The following TACC1 variants were observed in gnomAD, a reference collection of about 807,000 sequenced individuals.
TACC1 encodes the protein transforming acidic coiled-coil-containing protein 1.
Under a neutral mutation model 84.4 loss-of-function variants are expected in TACC1, and 48 were observed. The ratio of observed to expected loss-of-function variants is 0.57; its 90% CI spans 0.45 to 0.72. The LOEUF (loss-of-function observed/expected upper bound fraction) is 0.72, where lower values mean the gene tolerates loss of function less well. TACC1 is among the 30% of genes least tolerant of loss of function. TACC1 has a pLI of 0.00. For synonymous variants in TACC1, 372 were observed against 376.3 expected (o/e 0.99, Z 0.13); for missense variants, 920 against 973.0 (o/e 0.95, Z 0.72).
At chr8:38,743,349 A>C in intron 2 of TACC1, among the ~76,000 whole-genome samples, 1 of 152,244 alleles carries the variant, frequency 6.6e-6, no homozygotes, top group South Asian at 2.1e-4. Flanking sequence ...TTGAGGAGGA[A>C]GAGAAAGGAA....
At chr8:38,847,735 C>T (rs1588180203) in intron 12 of TACC1, among the ~76,000 whole-genome samples, 1 of 152,244 alleles carries the variant, frequency 6.6e-6, no homozygotes. Flanking sequence ...GGGCTGGTGA[C>T]TGTCCTCACC....
intron 3 of TACC1, chr8:38,757,246 G>T (rs1432469429): frequency 2.3e-5 from 4 of 174,288 alleles, no homozygotes; most frequent in South Asian, 1.7e-4. Context: ...CCTTCCTCCC[G>T]CCCCACCGCC....
At chr8:38,750,447 T>G (rs1355075859) in intron 3 of TACC1, among the ~76,000 whole-genome samples, 1 of 152,214 alleles carries the variant, frequency 6.6e-6, no homozygotes, top group African/African-American at 2.4e-5. Flanking sequence ...TTAACTTAAA[T>G]TGTATAGGAG....
At chr8:38,761,612 G>T (rs1811222326) in intron 3 of TACC1, among the ~76,000 whole-genome samples, 3 of 152,166 alleles carry the variant, frequency 2.0e-5, no homozygotes, top group Admixed American at 2.0e-4. Flanking sequence ...TTAGACACAA[G>T]AAAACATGAA....
intron 3 of TACC1, among the ~76,000 whole-genome samples, chr8:38,782,100 A>G (rs1304532128): frequency 1.3e-5 from 2 of 151,034 alleles, no homozygotes; most frequent in African/African-American, 4.9e-5. Flanking sequence ...TACATGTGCC[A>G]TGCTGGTGCG....
intron 1 of TACC1, among the ~76,000 whole-genome samples, chr8:38,731,140 T>C (rs1430603169): frequency 2.0e-5 from 3 of 148,492 alleles, no homozygotes; most frequent in East Asian, 4.1e-4. Context: ...GGTCTCCCTA[T>C]GTTGCCCAGG....
intron 1 of TACC1, among the ~76,000 whole-genome samples, chr8:38,737,407 T>G (rs746965038): frequency 3.3e-5 from 5 of 152,158 alleles, no homozygotes; most frequent in Non-Finnish European, 7.4e-5. Context: ...CAGTGCCAGT[T>G]CTCGATGAGA....
At chr8:38,742,732 C>T (rs182951471) in intron 2 of TACC1, among the ~76,000 whole-genome samples, 9 of 152,106 alleles carry the variant, frequency 5.9e-5, no homozygotes, top group East Asian at 3.9e-4. Context: ...GATTTTATTT[C>T]GAGACAGAGT....
At chr8:38,778,443 C>T (rs1815281383) in intron 3 of TACC1, among the ~76,000 whole-genome samples, 1 of 152,144 alleles carries the variant, frequency 6.6e-6, no homozygotes, top group South Asian at 2.1e-4. Context: ...GTCAGTGTGA[C>T]CCCCTCGCTC....
intron 2 of TACC1, among the ~76,000 whole-genome samples, chr8:38,817,046 G>T (rs974523042): frequency 1.3e-5 from 2 of 152,204 alleles, no homozygotes; most frequent in African/African-American, 4.8e-5. Flanking sequence ...TCCAGGGGTT[G>T]TAGGAGCTCT....
In TACC1 at chr8:38,738,710, C is replaced by T. The variant is rs143302709; in HGVS notation, c.-674-3641C>T. On this transcript the variant is annotated intron_variant, in intron 1 of 14. Coordinates refer to the TACC1 transcript ENST00000518415. ...CTGGTTCTACAAGATACTCCAGGCT[C>T]ATCTTATATGTTCCCTGACCAAGTC... Among the ~76,000 whole-genome samples, 620 of 151,728 alleles carry T rather than the reference C, an allele frequency of 4.1e-3. 8 individuals carry two copies. Among genetic ancestry groups the T allele is most frequent in the African/African-American group, 0.014 (580 of 41,364 alleles).
At chr8:38,776,189 T>C (rs1260014511) in intron 3 of TACC1, among the ~76,000 whole-genome samples, 1 of 152,200 alleles carries the variant, frequency 6.6e-6, no homozygotes, top group African/African-American at 2.4e-5. Flanking sequence ...CTTTGTGAAA[T>C]CTAAATATTG....
chr8:38,766,447 A>G (rs1361828104), intron 3 of TACC1, among the ~76,000 whole-genome samples: 1 of 152,178 alleles, frequency 6.6e-6, no homozygotes, highest in Non-Finnish European at 1.5e-5. Context: ...GAGAAAACCC[A>G]TCCTGTTTAT....
Position 38,831,061 on chromosome 8 carries a change from C to T in TACC1, c.1661-64C>T, listed in dbSNP as rs1027852853. ...CGCCTGCACTGGGGTTTCCAAGAGC[C>T]TTTCACTAGGGAGGAAAGGAACCGA... On this transcript the variant is annotated intron_variant, in intron 5 of 12. Coordinates refer to ENST00000317827, the MANE Select transcript of TACC1 (RefSeq NM_006283.3). 7.9e-6 allele frequency: 12 copies of T among 1,518,190 alleles called. No homozygotes were observed. In the Admixed American group the frequency reaches 1.5e-4, roughly 19 times the overall value. The allele number at this position is 1,518,190 out of a possible 1,614,324, so 94.0% of individuals were successfully genotyped here. A position where few individuals can be genotyped will look rare whatever the true frequency, so the allele number is the denominator to read the frequency against.
intron 3 of TACC1, among the ~76,000 whole-genome samples, chr8:38,767,758 G>A (rs1416313936): frequency 1.3e-5 from 2 of 152,086 alleles, no homozygotes; most frequent in African/African-American, 4.8e-5. Flanking sequence ...TATAGTACCC[G>A]TAGGATAAAA....
intron 3 of TACC1, among the ~76,000 whole-genome samples, chr8:38,759,498 TG>T (rs1426411084): frequency 6.6e-6 from 1 of 152,228 alleles, no homozygotes; most frequent in Non-Finnish European, 1.5e-5. Flanking sequence ...TCCAGTGGCT[TG>T]GCAGCCTACT....
intron 3 of TACC1, among the ~76,000 whole-genome samples, chr8:38,758,475 C>G (rs565811013): frequency 6.6e-6 from 1 of 151,974 alleles, no homozygotes; most frequent in African/African-American, 2.4e-5. Context: ...GTCAGGAGTT[C>G]GTAGACCAGC....
At chr8:38,823,116 C>T (rs1185121728) in intron 3 of TACC1, among the ~76,000 whole-genome samples, 1 of 152,140 alleles carries the variant, frequency 6.6e-6, no homozygotes, top group East Asian at 1.9e-4. Context: ...TGGTGACTTA[C>T]AGCAGAAAGG....
intron 3 of TACC1, among the ~76,000 whole-genome samples, chr8:38,748,608 C>T (rs1426774741): frequency 6.6e-6 from 1 of 152,014 alleles, no homozygotes; most frequent in Non-Finnish European, 1.5e-5. Context: ...TCTCTGACCA[C>T]AATGAAATTA....
Sources: gnomAD v4.1 joint callset for allele counts (sites outside exome capture counted in the v4.1 genomes callset) on GRCh38, gnomAD v4.1.1 for gene constraint, MANE v1.5 for transcripts, NCBI Gene and HGNC (gene_info 2026-07-23, HGNC 2026-07-21) for gene names.